Variants in OR1S1 observed in about 807,000 individuals in gnomAD.
OR1S1 encodes olfactory receptor family 1 subfamily S member 1, also known as olfactory receptor 1S1.
For missense variants in OR1S1, 411 were observed against 367.5 expected, an observed-to-expected ratio of 1.12 and a Z score of -0.97; for synonymous variants, 156 against 143.9, an observed-to-expected ratio of 1.08 and a Z score of -0.60.
chr11:58,213,686 C>A (rs1435777141), intron 1 of OR1S1, among the ~76,000 whole-genome samples: 1 of 152,204 alleles, frequency 6.6e-6, no homozygotes, highest in South Asian at 2.1e-4. Flanking sequence ...GTGTTCATAT[C>A]TGTTGCCATA....
intron 1 of OR1S1, among the ~76,000 whole-genome samples, chr11:58,214,038 A>G (rs1415967139): frequency 1.3e-5 from 2 of 152,152 alleles, no homozygotes; most frequent in Non-Finnish European, 2.9e-5. Flanking sequence ...ACTAACCACC[A>G]TCTTTTCCCT....
exon 2 of OR1S1, chr11:58,215,132 A>T (rs924994375): frequency 1.2e-6 from 2 of 1,614,022 alleles, no homozygotes; most frequent in Non-Finnish European, 1.7e-6. Context: ...GCTCTTGGGG[A>T]CCATGGCCTA....
exon 2 of OR1S1, chr11:58,215,494 C>T (rs1292971667): frequency 6.2e-7 from 1 of 1,614,140 alleles, no homozygotes; most frequent in East Asian, 2.2e-5. Context: ...AGTGGAAAGC[C>T]TTCTCCACTT....
At chr11:58,213,577 G>A (rs1387320146) in intron 1 of OR1S1, among the ~76,000 whole-genome samples, 2 of 152,138 alleles carry the variant, frequency 1.3e-5, no homozygotes, top group Non-Finnish European at 2.9e-5. Context: ...ACCCGTTGTT[G>A]TTACTATTGT....
rs186584668 is a variant in OR1S1, at chr11:58,213,795, C to T, written c.-55-934C>T. Among the ~76,000 whole-genome samples the T allele has an allele frequency of 3.7e-3, 557 of 152,222 alleles. 6 individuals are homozygous for T. Among genetic ancestry groups the T allele is most frequent in the African/African-American group, 0.013 (521 of 41,546 alleles). ...TCCCGTTTGGGACTGCCTCATTATG[C>T]GGTTCCCTGACAAGGGCAATGAATT... On this transcript the variant is annotated intron_variant, in intron 1 of 1. Coordinates refer to ENST00000641544, the Ensembl canonical transcript of OR1S1.
chr11:58,215,757 A>G (rs770246160), exon 2 of OR1S1: 55 of 1,585,346 alleles, frequency 3.5e-5, no homozygotes, highest in Admixed American at 1.1e-4. Flanking sequence ...AGTCCACATA[A>G]TCAGATAAAT....
chr11:58,214,894 C>T (rs776595073), exon 2 of OR1S1: 3 of 1,613,948 alleles, frequency 1.9e-6, no homozygotes, highest in African/African-American at 2.7e-5. Flanking sequence ...TGTACCTGGT[C>T]ACTGTGATTG....
chr11:58,215,858 T>C, exon 2 of OR1S1: 7 of 1,131,946 alleles, frequency 6.2e-6, no homozygotes, highest in Non-Finnish European at 8.8e-6. Context: ...TCTGAAGGGG[T>C]TGGAGCTTTT....
chr11:58,216,081 T>A, exon 2 of OR1S1: 1 of 209,370 alleles, frequency 4.8e-6, no homozygotes, highest in Non-Finnish European at 9.7e-6. Context: ...GGGACTATAG[T>A]AAACCATAAT....
At chr11:58,213,691 G>A (rs1854982160) in intron 1 of OR1S1, among the ~76,000 whole-genome samples, 1 of 152,200 alleles carries the variant, frequency 6.6e-6, no homozygotes, top group South Asian at 2.1e-4. Context: ...CATATCTGTT[G>A]CCATAGATAC....
At chr11:58,214,349 T>A (rs1297895137) in intron 1 of OR1S1, among the ~76,000 whole-genome samples, 2 of 152,208 alleles carry the variant, frequency 1.3e-5, no homozygotes, top group Non-Finnish European at 2.9e-5. Flanking sequence ...ACTCTTCACT[T>A]TCACGAGACT....
chr11:58,213,731 C>A lies in OR1S1; in HGVS notation c.-56+894C>A, dbSNP rs143075767. Among the ~76,000 whole-genome samples the A allele has an allele frequency of 4.2e-3, 635 of 152,254 alleles. 5 individuals carry two copies. Among genetic ancestry groups the A allele is most frequent in the African/African-American group, 0.014 (599 of 41,552 alleles). On this transcript the variant is annotated intron_variant, in intron 1 of 1. Coordinates refer to ENST00000641544, the Ensembl canonical transcript of OR1S1. ...AGCTTGTGCCTTATATGTGGCAGGC[C>A]TGGTGTCTCTTGAGACCATTTTGGG...
exon 2 of OR1S1, chr11:58,215,138 G>A (rs754586416): frequency 6.2e-7 from 1 of 1,613,986 alleles, no homozygotes; most frequent in Non-Finnish European, 8.5e-7. Context: ...GGGGACCATG[G>A]CCTATGACCA....
rs1758091901 is a variant in OR1S1, at chr11:58,214,713, A to C, written c.-55-16A>C. 5 of 1,599,368 alleles carry C rather than the reference A, an allele frequency of 3.1e-6. No individual in the cohort carries two copies. The highest frequency in any genetic ancestry group is 4.3e-6 in the Non-Finnish European group (5 of 1,171,100). On this transcript the variant is annotated splice_polypyrimidine_tract_variant and intron_variant, in intron 1 of 1. Coordinates refer to ENST00000641544, the Ensembl canonical transcript of OR1S1. ...TGACTTACTGCAATGGCTGCAGCCA[A>C]ATGATACCATGTTAGGTTTTCTTGT...
intron 1 of OR1S1, among the ~76,000 whole-genome samples, chr11:58,214,035 A>G (rs1852876275): frequency 1.3e-5 from 2 of 152,078 alleles, no homozygotes; most frequent in Admixed American, 1.3e-4. Flanking sequence ...CCTACTAACC[A>G]CCATCTTTTC....
intron 1 of OR1S1, among the ~76,000 whole-genome samples, chr11:58,213,909 G>A (rs1332303583): frequency 2.0e-5 from 3 of 152,168 alleles, no homozygotes; most frequent in Admixed American, 2.0e-4. Flanking sequence ...CTGATAGGCT[G>A]TTTCTGGATT....
rs769712075 is a variant in OR1S1 at position 58,215,554 on chromosome 11, C to A, written c.771C>A (p.Gly257=). ...TACTGTTCTACGGAACCATTGTAGGCGTGTACTTTTTCCCCTCCTCCACTC... is the reference window on the plus strand; with the variant it reads ...TACTGTTCTACGGAACCATTGTAGGAGTGTACTTTTTCCCCTCCTCCACTC... The change falls in exon 2 of 2, where the codon GGC becomes GGA. Residue 257 remains glycine (G), a synonymous_variant. Transcript: ENST00000641544. 14 of 1,614,046 alleles carry A rather than the reference C, an allele frequency of 8.7e-6. No homozygotes were observed. In the East Asian group the frequency reaches 2.7e-4, roughly 31 times the overall value.
exon 2 of OR1S1, chr11:58,215,665 T>A (rs369876714): frequency 1.6e-5 from 26 of 1,613,888 alleles, no homozygotes; most frequent in Admixed American, 3.3e-5. Flanking sequence ...GCTTGAGGAA[T>A]AAGGATATGA....
intron 1 of OR1S1, among the ~76,000 whole-genome samples, chr11:58,214,149 GC>G (rs1852878390): frequency 6.6e-6 from 1 of 152,114 alleles, no homozygotes; most frequent in African/African-American, 2.4e-5. Context: ...GTGTATGTGT[GC>G]CCCCTAAATT....
Sources: allele counts gnomAD v4.1 joint callset (sites outside exome capture counted in the v4.1 genomes callset), GRCh38; gene constraint gnomAD v4.1.1; transcripts MANE v1.5; gene names NCBI Gene and HGNC (gene_info 2026-07-23, HGNC 2026-07-21).